Variants in NTRK3 observed in about 807,000 individuals in gnomAD.
The protein encoded by NTRK3 is NT-3 growth factor receptor.
A neutral mutation model predicts 91.7 loss-of-function variants in NTRK3; 24 were observed. The observed-to-expected ratio is 0.26, with a 90% CI of 0.19 to 0.37. The LOEUF (loss-of-function observed/expected upper bound fraction) is 0.37, where lower values mean the gene tolerates loss of function less well. Among genes scored for constraint, NTRK3 ranks in the 10% least tolerant of loss-of-function variants. NTRK3 has a pLI of 1.00. For synonymous variants in NTRK3, 483 were observed against 404.0 expected, an observed-to-expected ratio of 1.20 and a Z score of -2.34; for missense variants, 880 against 1,068.9, an observed-to-expected ratio of 0.82 and a Z score of 2.46.
intron 5 of NTRK3, among the ~76,000 whole-genome samples, chr15:88,169,989 C>T (rs758899807): frequency 6.6e-6 from 1 of 152,194 alleles, no homozygotes; most frequent in African/African-American, 2.4e-5. Flanking sequence ...TCTCTACACG[C>T]TGTCTCCCTC....
At chr15:87,887,497 GC>G (rs1434669937) in intron 17 of NTRK3, among the ~76,000 whole-genome samples, 1 of 152,128 alleles carries the variant, frequency 6.6e-6, no homozygotes, top group African/African-American at 2.4e-5. Context: ...ATCGTTAAGT[GC>G]AAAAGTATAT....
chr15:88,057,978 C>A (rs887459404), intron 13 of NTRK3, among the ~76,000 whole-genome samples: 84 of 152,302 alleles, frequency 5.5e-4, no homozygotes, highest in African/African-American at 1.8e-3. Flanking sequence ...AGGAAAAGGG[C>A]GGGCCAGGGA....
intron 15 of NTRK3, among the ~76,000 whole-genome samples, chr15:87,938,436 C>T (rs1039724869): frequency 9.9e-5 from 15 of 152,160 alleles, no homozygotes; most frequent in African/African-American, 2.2e-4. Context: ...ACTTCCAAGA[C>T]GTTGTCTGGA....
chr15:88,136,139 A>C, intron 8 of NTRK3, 99 bp from the exon 9 acceptor site: 2 of 1,466,662 alleles, frequency 1.4e-6, no homozygotes, highest in East Asian at 4.5e-5. Flanking sequence ...AGGAAAGCTG[A>C]GCGGAAGGCG....
chr15:88,008,599 G>A (rs906035292), intron 14 of NTRK3, among the ~76,000 whole-genome samples: 1 of 152,000 alleles, frequency 6.6e-6, no homozygotes, highest in Non-Finnish European at 1.5e-5. Flanking sequence ...TGACCTTTAA[G>A]TGCTTCACAT....
chr15:88,085,520 C>T (rs755454098), intron 13 of NTRK3, among the ~76,000 whole-genome samples: 4 of 152,156 alleles, frequency 2.6e-5, no homozygotes, highest in East Asian at 1.9e-4. Flanking sequence ...AGCACCTTAC[C>T]GACTGCCTGG....
intron 14 of NTRK3, among the ~76,000 whole-genome samples, chr15:87,980,575 A>G (rs1373662670): frequency 2.6e-5 from 4 of 152,212 alleles, no homozygotes; most frequent in Non-Finnish European, 5.9e-5. Context: ...ATATGTGCAC[A>G]GAGTAAGCCT....
chr15:88,200,442 T>C (rs1173779402), intron 3 of NTRK3, among the ~76,000 whole-genome samples: 1 of 152,162 alleles, frequency 6.6e-6, no homozygotes, highest in Non-Finnish European at 1.5e-5. Context: ...CCCACCCAAA[T>C]CTCATCTTGA....
chr15:88,075,412 T>C (rs1216972232), intron 13 of NTRK3, among the ~76,000 whole-genome samples: 1 of 152,168 alleles, frequency 6.6e-6, no homozygotes, highest in African/African-American at 2.4e-5. Context: ...ATTACCCAAA[T>C]GTCAAGCACT....
rs35011403 is a variant in NTRK3, at chr15:87,886,676, C to CTATATATATATATATATATATATA, written c.2134-6272_2134-6249dup. ...CCAAAGAGAAAAATCCCACTTTTTG[C>CTATATATATATATATATATATATA]TATATATATATATATATATATATAC... On this transcript the variant is annotated intron_variant, in intron 17 of 18. Transcript: ENST00000394480. Among the ~76,000 whole-genome samples the CTATATATATATATATATATATATA allele has an allele frequency of 2.6e-3, 266 of 101,086 alleles. 5 individuals are homozygous for CTATATATATATATATATATATATA. The highest frequency in any genetic ancestry group is 0.01 in the African/African-American group (250 of 24,452). 66.3% of individuals were successfully genotyped at this position (101,086 alleles called of 152,430 possible). A position where few individuals can be genotyped will look rare whatever the true frequency, so the allele number is the denominator to read the frequency against.
chr15:88,044,254 C>CTTTTTTTTTTT (rs1181028004), intron 13 of NTRK3, among the ~76,000 whole-genome samples: 3 of 78,486 alleles, frequency 3.8e-5, no homozygotes, highest in Non-Finnish European at 7.0e-5. Context: ...AGTCTATGTT[C>CTTTTTTTTTTT]TTTTTTTTTT....
At chr15:88,056,197 T>TAC (rs1425734570) in intron 13 of NTRK3, among the ~76,000 whole-genome samples, 2 of 95,616 alleles carry the variant, frequency 2.1e-5, no homozygotes, top group South Asian at 3.3e-4. Flanking sequence ...TATATATATA[T>TAC]ATATATTTTT....
At chr15:88,050,148 G>T (rs1256608031) in intron 13 of NTRK3, among the ~76,000 whole-genome samples, 2 of 152,070 alleles carry the variant, frequency 1.3e-5, no homozygotes, top group Non-Finnish European at 2.9e-5. Flanking sequence ...CTTCCAAAGA[G>T]AAGTAAAGAA....
chr15:88,175,246 C>A (rs752879462), intron 5 of NTRK3, among the ~76,000 whole-genome samples: 1 of 152,200 alleles, frequency 6.6e-6, no homozygotes, highest in Non-Finnish European at 1.5e-5. Context: ...CCCAACAAGA[C>A]GCCAGCTAAT....
chr15:88,128,646 A>G (rs748126231), intron 11 of NTRK3, 65 bp downstream of exon 11: 1 of 1,536,704 alleles, frequency 6.5e-7, no homozygotes, highest in Non-Finnish European at 9.0e-7. Context: ...GGGCTATTTG[A>G]ATTCAATAGT....
At chr15:88,132,286 A>C (rs1470046612) in intron 10 of NTRK3, among the ~76,000 whole-genome samples, 1 of 152,276 alleles carries the variant, frequency 6.6e-6, no homozygotes, top group Non-Finnish European at 1.5e-5. Flanking sequence ...GCCCACAGCT[A>C]GTAAGCCTTT....
Position 87,922,361 on chromosome 15 carries a change from C to G in NTRK3, c.2133+6830G>C, listed in dbSNP as rs371108324. Among the ~76,000 whole-genome samples the G allele has an allele frequency of 9.9e-5, 15 of 152,260 alleles. No individual in the cohort carries two copies. The East Asian group carries it at 1.7e-3, about 18-fold the overall frequency. On this transcript the variant is annotated intron_variant, in intron 17 of 18. Coordinates refer to ENST00000394480, the Ensembl canonical transcript of NTRK3. The stretch of plus-strand genomic sequence containing the variant: ...AACTGGAAGGCACCTTAGAGAGCAT[C>G]TGATAAAGCCTCAGCTTTGCTGCAC...
At chr15:88,207,427 T>C (rs375295079) in intron 3 of NTRK3, among the ~76,000 whole-genome samples, 1 of 152,130 alleles carries the variant, frequency 6.6e-6, no homozygotes, top group African/African-American at 2.4e-5. Flanking sequence ...TCAAACACAA[T>C]CCCAATTCCT....
intron 17 of NTRK3, among the ~76,000 whole-genome samples, chr15:87,916,750 C>T (rs1267449436): frequency 6.6e-6 from 1 of 151,626 alleles, no homozygotes; most frequent in African/African-American, 2.4e-5. Context: ...AACCAATTAC[C>T]TATGAAAAGC....
Sources: allele counts gnomAD v4.1 joint callset (sites outside exome capture counted in the v4.1 genomes callset), GRCh38; gene constraint gnomAD v4.1.1; transcripts MANE v1.5; gene names NCBI Gene and HGNC (gene_info 2026-07-23, HGNC 2026-07-21).